BANK1: variants seen among roughly 807,000 people sequenced by gnomAD.
BANK1 encodes B cell scaffold protein with ankyrin repeats 1.
In BANK1, 95 loss-of-function variants were observed where a neutral mutation model predicts 94.5. That is an observed-to-expected ratio of 1.00 (90% CI 0.85 to 1.19). The LOEUF is 1.19. Ranked by LOEUF, BANK1 falls within the 50% of genes most tolerant of loss-of-function variation. The pLI is 0.00. For missense variants in BANK1, 987 were observed against 932.2 expected, an observed-to-expected ratio of 1.06 and a Z score of -0.77; for synonymous variants, 334 against 308.4, an observed-to-expected ratio of 1.08 and a Z score of -0.87.
chr4:101,901,462 A>T (rs1028953170), intron 6 of BANK1, among the ~76,000 whole-genome samples: 5 of 152,208 alleles, frequency 3.3e-5, no homozygotes, highest in African/African-American at 1.2e-4. Context: ...CATTTGCTGT[A>T]TACCTTTTCC....
At chr4:101,809,836 GTTC>G (rs1725682182) in intron 1 of BANK1, among the ~76,000 whole-genome samples, 1 of 152,256 alleles carries the variant, frequency 6.6e-6, no homozygotes, top group African/African-American at 2.4e-5. Context: ...TGAAAGCAGT[GTTC>G]GGATGGTGTG....
intron 1 of BANK1, among the ~76,000 whole-genome samples, chr4:101,813,210 C>A (rs1174652110): frequency 6.6e-6 from 1 of 152,030 alleles, no homozygotes; most frequent in Non-Finnish European, 1.5e-5. Flanking sequence ...ATTTGGCCCT[C>A]ATCTAACAAA....
chr4:101,853,645 A>G (rs973096863), intron 2 of BANK1, among the ~76,000 whole-genome samples: 5 of 152,158 alleles, frequency 3.3e-5, no homozygotes, highest in African/African-American at 1.2e-4. Context: ...GCTATCAAGA[A>G]GCAGGCGTAA....
At chr4:102,027,306 G>A (rs939972321) in intron 9 of BANK1, among the ~76,000 whole-genome samples, 3 of 152,048 alleles carry the variant, frequency 2.0e-5, no homozygotes, top group African/African-American at 4.8e-5. Flanking sequence ...GGTCTAAAAC[G>A]ACTCTATCAA....
At chr4:101,808,704 A>G (rs1725643170) in intron 1 of BANK1, among the ~76,000 whole-genome samples, 1 of 152,216 alleles carries the variant, frequency 6.6e-6, no homozygotes, top group South Asian at 2.1e-4. Flanking sequence ...ACATGAATAG[A>G]CAGTTACCAA....
intron 5 of BANK1, among the ~76,000 whole-genome samples, chr4:101,886,243 C>A (rs1263845199): frequency 6.6e-6 from 1 of 152,118 alleles, no homozygotes; most frequent in Non-Finnish European, 1.5e-5. Flanking sequence ...TTCAAGTGAT[C>A]CACTTATTAG....
chr4:102,030,497 C>CG (rs61453551), intron 10 of BANK1, among the ~76,000 whole-genome samples: 9,498 of 151,662 alleles, frequency 0.063, 424 homozygotes, highest in African/African-American at 0.13. Context: ...AGTCTTGTTA[C>CG]TAGGTATGTG....
intron 1 of BANK1, among the ~76,000 whole-genome samples, chr4:101,801,950 T>C (rs2148850583): frequency 6.6e-6 from 1 of 152,366 alleles, no homozygotes; most frequent in Non-Finnish European, 1.5e-5. Context: ...ACCAGTGCGT[T>C]CCTCTTGAAG....
At chr4:101,911,020 G>A (rs892724401) in intron 6 of BANK1, among the ~76,000 whole-genome samples, 3 of 152,184 alleles carry the variant, frequency 2.0e-5, no homozygotes, top group Non-Finnish European at 4.4e-5. Context: ...TGTCAAACAG[G>A]TCTAAGCACT....
chr4:101,929,985 C>T (rs1225980325), intron 7 of BANK1, among the ~76,000 whole-genome samples: 2 of 151,230 alleles, frequency 1.3e-5, no homozygotes, highest in Non-Finnish European at 3.0e-5. Context: ...ATGACATCTT[C>T]ATAACACTTC....
intron 12 of BANK1, among the ~76,000 whole-genome samples, chr4:102,061,132 A>G (rs1728405942): frequency 6.6e-6 from 1 of 152,230 alleles, no homozygotes; most frequent in Non-Finnish European, 1.5e-5. Context: ...CACATTTAAT[A>G]AGCAAATTTA....
intron 11 of BANK1, among the ~76,000 whole-genome samples, chr4:102,045,065 T>C (rs1414150481): frequency 3.3e-5 from 5 of 152,082 alleles, no homozygotes; most frequent in African/African-American, 1.2e-4. Context: ...TTTTGGCTTT[T>C]GTTGCCATTG....
intron 7 of BANK1, among the ~76,000 whole-genome samples, chr4:102,010,519 A>G (rs1180353948): frequency 6.6e-6 from 1 of 150,410 alleles, no homozygotes; most frequent in Non-Finnish European, 1.5e-5. Flanking sequence ...CAGCCTCCCA[A>G]GTAGCTGAGA....
intron 7 of BANK1, among the ~76,000 whole-genome samples, chr4:101,924,592 G>C (rs147693466): frequency 6.6e-6 from 1 of 151,760 alleles, no homozygotes. Context: ...TTGGCGGTGC[G>C]TTGGGAAGGG....
chr4:101,799,010 G>A (rs1560578524), intron 1 of BANK1, among the ~76,000 whole-genome samples: 1 of 152,034 alleles, frequency 6.6e-6, no homozygotes, highest in Admixed American at 6.6e-5. Context: ...CATTGCTTTT[G>A]GTGTTTTAGT....
At chr4:102,053,553 T>C (rs902239029) in intron 11 of BANK1, among the ~76,000 whole-genome samples, 1 of 152,018 alleles carries the variant, frequency 6.6e-6, no homozygotes, top group East Asian at 1.9e-4. Flanking sequence ...AGAAAATAAA[T>C]ATAAGAATTT....
At chr4:101,927,882 C>T (rs902351429) in intron 7 of BANK1, among the ~76,000 whole-genome samples, 1 of 151,566 alleles carries the variant, frequency 6.6e-6, no homozygotes, top group East Asian at 1.9e-4. Flanking sequence ...AAAAAGCCAA[C>T]AACGAGCAGC....
intron 7 of BANK1, among the ~76,000 whole-genome samples, chr4:101,945,757 T>C (rs1027781867): frequency 1.3e-5 from 2 of 152,046 alleles, no homozygotes; most frequent in African/African-American, 4.8e-5. Context: ...ATTTGCTAAA[T>C]GAATGGATGA....
intron 5 of BANK1, among the ~76,000 whole-genome samples, chr4:101,888,863 TC>T (rs1009521373): frequency 1.6e-4 from 24 of 152,314 alleles, no homozygotes; most frequent in African/African-American, 5.8e-4. Flanking sequence ...CTGAAATACT[TC>T]CCAGCTATTT....
Sources: gnomAD v4.1 joint callset for allele counts (sites outside exome capture counted in the v4.1 genomes callset) on GRCh38, gnomAD v4.1.1 for gene constraint, MANE v1.5 for transcripts, NCBI Gene and HGNC (gene_info 2026-07-23, HGNC 2026-07-21) for gene names.